SARDH: variants seen among roughly 807,000 people sequenced by gnomAD.
SARDH encodes the protein sarcosine dehydrogenase, also known as sarcosine dehydrogenase, mitochondrial.
A neutral mutation model predicts 109.1 loss-of-function variants in SARDH; 95 were observed. That is an observed-to-expected ratio of 0.87 (90% CI 0.74 to 1.03). The LOEUF is 1.03. Among genes scored for constraint, SARDH ranks in the 50% least tolerant of loss-of-function variants. The pLI is 0.00. For synonymous variants in SARDH, 572 were observed against 534.8 expected, an observed-to-expected ratio of 1.07 and a Z score of -0.96; for missense variants, 1,267 against 1,287.8, an observed-to-expected ratio of 0.98 and a Z score of 0.25.
chr9:133,677,848 G>A (rs1033571458), intron 17 of SARDH, among the ~76,000 whole-genome samples: 5 of 152,218 alleles, frequency 3.3e-5, no homozygotes, highest in African/African-American at 1.2e-4. Context: ...GCCTTCGCTG[G>A]GGCTCAGACT....
At position 133,728,458 on chromosome 9, in the gene SARDH, C is replaced by G. The variant is rs1472347322; in HGVS notation, c.915+1307G>C. ...TCACACTGACCCTGCCCCACAGCCT[C>G]TGGCCCTGGCTCTCTGAACGGCCAT... On this transcript the variant is annotated intron_variant, in intron 6 of 20. Transcript: ENST00000439388. The surrounding 1 kb of genome is among the most constrained non-coding windows in gnomAD (Gnocchi z 5.0). Among the ~76,000 whole-genome samples, 1 of 152,198 alleles carries G rather than the reference C, an allele frequency of 6.6e-6. No individual in the cohort carries two copies. The highest frequency in any genetic ancestry group is 1.5e-5 in the Non-Finnish European group (1 of 68,020).
intron 6 of SARDH, among the ~76,000 whole-genome samples, chr9:133,721,530 G>A (rs1033096479): frequency 1.3e-5 from 2 of 152,178 alleles, no homozygotes; most frequent in Non-Finnish European, 2.9e-5. Context: ...CAGCGGGGAG[G>A]CGTGAAGAAG....
rs1049555307 is a variant in SARDH, at chr9:133,704,827, C to T, written c.1554+121G>A. On this transcript the variant is annotated intron_variant, in intron 12 of 20. Coordinates refer to ENST00000439388, the MANE Select transcript of SARDH (RefSeq NM_001134707.2). This position sits in a 1 kb window ranked among gnomAD's most constrained non-coding sequence, Gnocchi z 4.5. The stretch of plus-strand genomic sequence containing the variant: ...TTCCCGTGTGCAGAATAACTGATCA[C>T]GACAGTGGAACCACCTGGGGAGGCG... The T allele has an allele frequency of 1.3e-5, 11 of 818,510 alleles. No individual in the cohort carries two copies. Among genetic ancestry groups the T allele is most frequent in the Admixed American group, 1.1e-4 (5 of 46,694 alleles). 50.7% of individuals were successfully genotyped at this position (818,510 alleles called of 1,614,324 possible).
intron 17 of SARDH, among the ~76,000 whole-genome samples, chr9:133,681,089 G>A (rs887168154): frequency 6.6e-6 from 1 of 152,234 alleles, no homozygotes; most frequent in African/African-American, 2.4e-5. Flanking sequence ...CGGCAGAGAC[G>A]AGCTCCTGGC....
chr9:133,674,447 G>T (rs1286698709), intron 17 of SARDH, among the ~76,000 whole-genome samples: 1 of 152,264 alleles, frequency 6.6e-6, no homozygotes, highest in Non-Finnish European at 1.5e-5. Context: ...TGGAGTCACA[G>T]AATTATGGAA....
intron 17 of SARDH, among the ~76,000 whole-genome samples, chr9:133,678,958 G>A (rs776476861): frequency 6.6e-6 from 1 of 152,154 alleles, no homozygotes; most frequent in Non-Finnish European, 1.5e-5. Flanking sequence ...ACCTGGAACC[G>A]ATTGCCCCTG....
intron 17 of SARDH, among the ~76,000 whole-genome samples, chr9:133,680,970 G>A (rs1830676132): frequency 6.6e-6 from 1 of 152,226 alleles, no homozygotes; most frequent in South Asian, 2.1e-4. Context: ...CCAAGAACAT[G>A]AGCATGGGAA....
Position 133,686,760 on chromosome 9 carries a change from G to A in SARDH, c.2070-1474C>T, listed in dbSNP as rs1174079305. The stretch of plus-strand genomic sequence containing the variant: ...AGTACTGCTGACCCTAATCCCAATC[G>A]TCACAGTGCTGGGAGCCGCCACCCA... On this transcript the variant is annotated intron_variant, in intron 16 of 20. Coordinates refer to ENST00000439388, the MANE Select transcript of SARDH (RefSeq NM_001134707.2). The surrounding 1 kb of genome is among the most constrained non-coding windows in gnomAD (Gnocchi z 4.0). Among the ~76,000 whole-genome samples, 2 of 152,134 alleles carry A rather than the reference G, an allele frequency of 1.3e-5. No individual in the cohort carries two copies. The highest frequency in any genetic ancestry group is 2.1e-4 in the South Asian group (1 of 4,834).
chr9:133,703,543 G>C (rs2131417767), intron 12 of SARDH: 1 of 158,318 alleles, frequency 6.3e-6, no homozygotes, highest in African/African-American at 2.4e-5. Flanking sequence ...CAGGTGCGTG[G>C]GCTCCAGAGT....
At chr9:133,705,939 C>T (rs867194164) in intron 11 of SARDH, among the ~76,000 whole-genome samples, 8 of 152,274 alleles carry the variant, frequency 5.3e-5, no homozygotes, top group Non-Finnish European at 1.0e-4. Flanking sequence ...CGACTACAAG[C>T]CAGGAGAGCC....
chr9:133,688,820 T>C (rs565056703), intron 16 of SARDH, among the ~76,000 whole-genome samples: 3 of 152,336 alleles, frequency 2.0e-5, no homozygotes, highest in Admixed American at 2.0e-4. Context: ...CCTTAATGCA[T>C]GTTGGTTTCT....
rs763930837 is a variant in SARDH, at chr9:133,732,496, C to T, written c.437G>A (p.Gly146Asp). The change falls in exon 3 of 21, where the codon GGC becomes GAC. Residue 146 changes from glycine to aspartate, a missense_variant. Gly to Asp is a moderately conservative substitution (Grantham distance 94). Transcript: ENST00000439388. ...GAAGAGGCCCCCATTCTGGATCCAG[C>T]CCGTGTGTAGTCCCGTCTCCTCCTC... ...ELEEETGLHT[G>D]WIQNGGLFIA... is the part of the protein sequence containing the mutation. The T allele has an allele frequency of 1.2e-6, 2 of 1,613,706 alleles. No homozygotes were observed. Among genetic ancestry groups the T allele is most frequent in the Non-Finnish European group, 8.5e-7 (1 of 1,179,900 alleles).
intron 10 of SARDH, among the ~76,000 whole-genome samples, chr9:133,710,692 G>A (rs560547227): frequency 6.6e-6 from 1 of 152,376 alleles, no homozygotes; most frequent in South Asian, 2.1e-4. Flanking sequence ...CTCCTTCAGG[G>A]TCTGTGTCTT....
chr9:133,717,781 C>T (rs1473225434), intron 7 of SARDH, among the ~76,000 whole-genome samples: 2 of 152,196 alleles, frequency 1.3e-5, no homozygotes, highest in Non-Finnish European at 2.9e-5. Context: ...TGCCAGCCTG[C>T]CTACCTCTAC....
chr9:133,717,591 A>C (rs1218451835), intron 7 of SARDH, 136 bp from the exon 8 acceptor site: 1 of 1,299,474 alleles, frequency 7.7e-7, no homozygotes. Context: ...GGTCACCCAC[A>C]CGTCCCAGCC....
chr9:133,704,914 C>T lies in SARDH; in HGVS notation c.1554+34G>A. 6.5e-7 allele frequency: 1 copy of T among 1,541,816 alleles called. No individual in the cohort carries two copies. Among genetic ancestry groups the T allele is most frequent in the Non-Finnish European group, 8.8e-7 (1 of 1,136,460 alleles). ...GGCAAGGGGGTTGTCAGGGCAGGGC[C>T]TCCCAGCAGCACAGCCCAGCAGGCA... On this transcript the variant is annotated intron_variant, in intron 12 of 20. Coordinates refer to ENST00000439388, the MANE Select transcript of SARDH (RefSeq NM_001134707.2). This position sits in a 1 kb window ranked among gnomAD's most constrained non-coding sequence, Gnocchi z 4.5.
intron 20 of SARDH, among the ~76,000 whole-genome samples, chr9:133,665,793 C>T (rs1830044317): frequency 6.6e-6 from 1 of 152,218 alleles, no homozygotes; most frequent in African/African-American, 2.4e-5. Flanking sequence ...GCCTACCCCT[C>T]CTCATGGCTT....
chr9:133,717,015 G>A (rs1207282651), intron 8 of SARDH, among the ~76,000 whole-genome samples: 8 of 152,182 alleles, frequency 5.3e-5, no homozygotes, highest in Non-Finnish European at 1.2e-4. Context: ...GAATTCCAGG[G>A]ACAAGTCAAG....
At chr9:133,731,588 C>T in intron 3 of SARDH, 104 bp from the exon 4 acceptor site, 1 of 1,203,054 alleles carries the variant, frequency 8.3e-7, no homozygotes, top group Non-Finnish European at 1.2e-6. Flanking sequence ...CTCACTTTCT[C>T]CCAGAAGCCT....
Sources: gnomAD v4.1 joint callset for allele counts (sites outside exome capture counted in the v4.1 genomes callset) on GRCh38, gnomAD v4.1.1 for gene constraint, Gnocchi (gnomAD v3.1) non-coding constraint, MANE v1.5 for transcripts, NCBI Gene and HGNC (gene_info 2026-07-23, HGNC 2026-07-21) for gene names.